Variants in DLG4 observed in about 807,000 individuals in gnomAD.
DLG4 encodes the protein disks large homolog 4.
DLG4 carries 7 observed loss-of-function variants against 93.8 expected under a neutral mutation model. The ratio of observed to expected loss-of-function variants is 0.07; its 90% confidence interval spans 0.04 to 0.14. The LOEUF (loss-of-function observed/expected upper bound fraction) is 0.14, where lower values mean the gene tolerates loss of function less well. DLG4 is among the 10% of genes least tolerant of loss of function. The pLI, the probability that DLG4 is intolerant of heterozygous loss-of-function variation, is 1.00. For synonymous variants in DLG4, 341 were observed against 387.6 expected (o/e 0.88, Z 1.41); for missense variants, 545 against 992.9 (o/e 0.55, Z 6.06).
upstream of DLG4, chr17:7,219,509 C>T (rs41283403): frequency 0.034 from 35,857 of 1,065,010 alleles, 711 homozygotes; most frequent in Middle Eastern, 0.038. Flanking sequence ...ACCACTGTAC[C>T]CTCCCTTTTG....
Position 7,187,973 on chromosome 17 carries a change from G to A in DLG4, c.*2735C>T, listed in dbSNP as rs920506965. Reference sequence around the variant, plus strand: ...TAATCCCAGCTACTTGGGAAGCTGAGGCAGGAGAATCACTTGAACCCTGGA... The same window carrying A: ...TAATCCCAGCTACTTGGGAAGCTGAAGCAGGAGAATCACTTGAACCCTGGA... On this transcript the variant is annotated 3_prime_UTR_variant, in exon 20 of 20. Coordinates refer to ENST00000399506, the MANE Select transcript of DLG4 (RefSeq NM_001321075.3). Among the ~76,000 whole-genome samples the A allele has an allele frequency of 1.3e-5, 2 of 151,920 alleles. No homozygotes were observed. Among genetic ancestry groups the A allele is most frequent in the African/African-American group, 4.8e-5 (2 of 41,340 alleles).
rs1432853862 is a variant in DLG4, at chr17:7,195,363, G to T, written c.1301+857C>A. ...GGTCACTGGGAGTCAGAACAACCTTGGGGACCAACCGGACCCGAGCAGGGA... is the reference window on the plus strand; with the variant it reads ...GGTCACTGGGAGTCAGAACAACCTTTGGGACCAACCGGACCCGAGCAGGGA... On this transcript the variant is annotated intron_variant, in intron 11 of 19. Transcript: ENST00000399506. The surrounding 1 kb of genome is among the most constrained non-coding windows in gnomAD (Gnocchi z 4.3). Among the ~76,000 whole-genome samples the T allele has an allele frequency of 6.6e-6, 1 of 152,124 alleles. No individual in the cohort carries two copies. The highest frequency in any genetic ancestry group is 1.5e-5 in the Non-Finnish European group (1 of 68,020).
At chr17:7,219,903 G>T, upstream of DLG4, 1 of 1,018,990 alleles carries the variant, frequency 9.8e-7, no homozygotes, top group South Asian at 1.6e-5. Flanking sequence ...ATGAGTCAGG[G>T]TTAGGGGCGC....
intron 2 of DLG4, among the ~76,000 whole-genome samples, chr17:7,207,097 G>A (rs2070498033): frequency 6.6e-6 from 1 of 152,058 alleles, no homozygotes; most frequent in Non-Finnish European, 1.5e-5. Context: ...AGGTGGTGGG[G>A]GATGATGGAG....
At chr17:7,216,426 T>C (rs906263018) in intron 1 of DLG4, among the ~76,000 whole-genome samples, 6 of 152,158 alleles carry the variant, frequency 3.9e-5, no homozygotes, top group Non-Finnish European at 7.4e-5. Flanking sequence ...TTCTGCCTCC[T>C]ATGGGAGTAC....
At chr17:7,207,964 C>A (rs1597484189) in intron 2 of DLG4, 1 of 933,810 alleles carries the variant, frequency 1.1e-6, no homozygotes, top group Non-Finnish European at 1.4e-6. Flanking sequence ...CGCCCCCAGT[C>A]CCAGCATCCC....
In DLG4 at chr17:7,203,195, C is replaced by A; in HGVS notation, c.640G>T (p.Ala214Ser). The A allele has an allele frequency of 6.3e-7, 1 of 1,596,996 alleles. No homozygotes were observed. The highest frequency in any genetic ancestry group is 1.7e-5 in the Admixed American group (1 of 59,342). Residue 214 changes from alanine (A) to serine (S), a missense_variant and splice_region_variant, in exon 7 of 20, where the codon GCG becomes TCG. Ala to Ser is a moderately conservative substitution (Grantham distance 99). Transcript: ENST00000399506. This position sits in a 1 kb window ranked among gnomAD's most constrained non-coding sequence, Gnocchi z 7.2. ...GRLQIGDKIL[A>S]VNSVGLEDVM... ...AATGGGCTAGATGGAGTCCTCACCGCCAGGATCTTGTCTCCAATCTGCAAC... is the reference window on the plus strand; with the variant it reads ...AATGGGCTAGATGGAGTCCTCACCGACAGGATCTTGTCTCCAATCTGCAAC...
Position 7,217,315 on chromosome 17 carries a change from G to A in DLG4, c.-168C>T, listed in dbSNP as rs2070965533. ...GAAGGAGGGGGTTGGAGAAGGGAAG[G>A]GGAGGGGAGCGTGGGAGGGAGGGGA... On this transcript the variant is annotated 5_prime_UTR_variant, in exon 1 of 20. Transcript: ENST00000399506. 9.9e-7 allele frequency: 1 copy of A among 1,007,018 alleles called. No homozygotes were observed. The highest frequency in any genetic ancestry group is 1.3e-6 in the Non-Finnish European group (1 of 770,832). The allele number at this position is 1,007,018 out of a possible 1,614,324, so 62.4% of individuals were successfully genotyped here. A position where few individuals can be genotyped will look rare whatever the true frequency, so the allele number is the denominator to read the frequency against.
In DLG4 at chr17:7,193,763, G is replaced by A. The variant is rs951264445; in HGVS notation, c.1544-49C>T. ...AAGGGGCTCTGAAACAGGGGACCTG[G>A]AGCCCTGTCTCCCCCTTGAGGATAT... On this transcript the variant is annotated intron_variant, in intron 14 of 19. Coordinates refer to ENST00000399506, the MANE Select transcript of DLG4 (RefSeq NM_001321075.3). The surrounding 1 kb of genome is among the most constrained non-coding windows in gnomAD (Gnocchi z 6.7). 5 of 1,609,718 alleles carry A rather than the reference G, an allele frequency of 3.1e-6. No homozygotes were observed. The highest frequency in any genetic ancestry group is 4.2e-6 in the Non-Finnish European group (5 of 1,177,712).
Position 7,196,878 on chromosome 17 carries a change from G to A in DLG4, c.962C>T (p.Thr321Met), listed in dbSNP as rs775257550. The A allele has an allele frequency of 8.7e-6, 14 of 1,613,698 alleles. No homozygotes were observed. Among genetic ancestry groups the A allele is most frequent in the South Asian group, 4.4e-5 (4 of 91,028 alleles). The change falls in exon 9 of 20, where the codon ACG becomes ATG. Residue 321 changes from threonine to methionine, a missense_variant. By Grantham distance (81) the Thr-to-Met change is moderately conservative (BLOSUM62 -1). Around this residue, in one of 5 missense-constraint regions of DLG4, gnomAD observed 428 missense variants for 741.4 expected, o/e 0.58. Coordinates refer to ENST00000399506, the MANE Select transcript of DLG4 (RefSeq NM_001321075.3). This position sits in a 1 kb window ranked among gnomAD's most constrained non-coding sequence, Gnocchi z 8.3. ...PRRIVIHRGS[T>M]GLGFNIVGGE... ...ACCCACGATGTTGAAGCCCAGGCCC[G>A]TGGAGCCCCGGTGGATCACAATTCG...
chr17:7,214,831 A>G (rs901744973), intron 1 of DLG4, among the ~76,000 whole-genome samples: 3 of 152,228 alleles, frequency 2.0e-5, no homozygotes, highest in Admixed American at 2.0e-4. Context: ...CAAGAAAGAC[A>G]AAGTGATCGC....
chr17:7,207,803 C>A (rs1386735286), intron 2 of DLG4, among the ~76,000 whole-genome samples: 1 of 150,678 alleles, frequency 6.6e-6, no homozygotes, highest in South Asian at 2.1e-4. Flanking sequence ...ACAGCACACG[C>A]GCACAGGCAC....
Position 7,217,212 on chromosome 17 carries a change from C to T in DLG4, c.-65G>A, listed in dbSNP as rs2070959099. The T allele has an allele frequency of 7.9e-7, 1 of 1,263,110 alleles. No individual in the cohort carries two copies. Among genetic ancestry groups the T allele is most frequent in the Non-Finnish European group, 1.0e-6 (1 of 997,350 alleles). 78.2% of individuals were successfully genotyped at this position (1,263,110 alleles called of 1,614,324 possible). A position where few individuals can be genotyped will look rare whatever the true frequency, so the allele number is the denominator to read the frequency against. ...ACTTCATCGGAGTTTCGTTCCTCCC[C>T]TCCGTGGGTTCTCACCCCTCCCCCC... On this transcript the variant is annotated 5_prime_UTR_variant, in exon 1 of 20. Transcript: ENST00000399506.
chr17:7,210,319 A>G (rs1454033049), intron 1 of DLG4, among the ~76,000 whole-genome samples: 1 of 152,236 alleles, frequency 6.6e-6, no homozygotes, highest in Non-Finnish European at 1.5e-5. Context: ...CCCAGAACAC[A>G]GAGACAACTC....
rs1469401989 is a variant in DLG4 at position 7,193,156 on chromosome 17, C to A, written c.1694-39G>T. 6.2e-7 allele frequency: 1 copy of A among 1,610,268 alleles called. No individual in the cohort carries two copies. The highest frequency in any genetic ancestry group is 1.3e-5 in the African/African-American group (1 of 74,860). On this transcript the variant is annotated intron_variant, in intron 16 of 19. Coordinates refer to ENST00000399506, the MANE Select transcript of DLG4 (RefSeq NM_001321075.3). The surrounding 1 kb of genome is among the most constrained non-coding windows in gnomAD (Gnocchi z 6.7). ...ACCCCACCCCCCAAAGATCTAACCA[C>A]CATCCCTCTAGCTTAAATCCTGCCT...
Position 7,189,962 on chromosome 17 carries a change from T to C in DLG4, c.*746A>G, listed in dbSNP as rs56388006. ...AATAAATTGCAGAAGGCGGCAGCAT[T>C]TCCAGTCTTCCCTGGCTCCCGGACA... On this transcript the variant is annotated 3_prime_UTR_variant, in exon 20 of 20. Transcript: ENST00000399506. The C allele has an allele frequency of 2.5e-3, 376 of 151,884 alleles. No individual in the cohort carries two copies. The highest frequency in any genetic ancestry group is 6.8e-3 in the Middle Eastern group (2 of 294). 9.4% of individuals were successfully genotyped at this position (151,884 alleles called of 1,614,324 possible). A position where few individuals can be genotyped will look rare whatever the true frequency, so the allele number is the denominator to read the frequency against.
At chr17:7,211,836 GGT>G (rs1225834237) in intron 1 of DLG4, 23 of 19,798 alleles carry the variant, frequency 1.2e-3, no homozygotes, top group South Asian at 3.6e-3. Context: ...GGGGGGGGGG[GGT>G]GACGGCGCCT....
In DLG4 at chr17:7,196,283, T is replaced by G; in HGVS notation, c.1238A>C (p.Asn413Thr). Residue 413 changes from asparagine to threonine, a missense_variant, in exon 11 of 20, where the codon AAC becomes ACC. Around this residue, in one of 5 missense-constraint regions of DLG4, gnomAD observed 428 missense variants for 741.4 expected, o/e 0.58. Coordinates refer to ENST00000399506, the MANE Select transcript of DLG4 (RefSeq NM_001321075.3). This position sits in a 1 kb window ranked among gnomAD's most constrained non-coding sequence, Gnocchi z 8.3. ...KIHDLREQLM[N>T]SSLGSGTASL... ...CGCAGTCCCTGAGCCCAGGCTGCTG[T>G]TCATGAGCTGTTCCCGAAGGTCGTG... 6.2e-7 allele frequency: 1 copy of G among 1,613,980 alleles called. No individual in the cohort carries two copies. Among genetic ancestry groups the G allele is most frequent in the Non-Finnish European group, 8.5e-7 (1 of 1,179,878 alleles).
chr17:7,192,324 T>C (rs1467812392), intron 17 of DLG4: 1 of 338,284 alleles, frequency 3.0e-6, no homozygotes, highest in Non-Finnish European at 5.3e-6. Flanking sequence ...TGGGGCGGGG[T>C]GTGCAAGGCA....
Sources: allele counts gnomAD v4.1 joint callset (sites outside exome capture counted in the v4.1 genomes callset), GRCh38; gene constraint gnomAD v4.1.1; regional missense constraint gnomAD v4.1.1; non-coding constraint Gnocchi (gnomAD v3.1); transcripts MANE v1.5; gene names NCBI Gene and HGNC (gene_info 2026-07-23, HGNC 2026-07-21).